The following HECW2 variants were observed in gnomAD, a reference collection of about 807,000 sequenced individuals.
The protein encoded by HECW2 is HECT, C2 and WW domain containing E3 ubiquitin protein ligase 2.
In HECW2, 61 loss-of-function variants were observed where a neutral mutation model predicts 175.2. The ratio of observed to expected loss-of-function variants is 0.35; its 90% CI spans 0.28 to 0.43. HECW2 has a LOEUF of 0.43. Among genes scored for constraint, HECW2 ranks in the 20% least tolerant of loss-of-function variants. HECW2 has a pLI of 1.00. For synonymous variants in HECW2, 671 were observed against 731.0 expected (o/e 0.92, Z 1.32); for missense variants, 1,524 against 2,000.5 (o/e 0.76, Z 4.54).
chr2:196,244,540 A>G (rs12990533), intron 19 of HECW2, among the ~76,000 whole-genome samples: 32,128 of 152,124 alleles, frequency 0.21, 4,156 homozygotes, highest in East Asian at 0.44. Flanking sequence ...CAGCCACTCA[A>G]TGACATGGCT....
chr2:196,538,379 A>G (rs1689092291), intron 1 of HECW2, among the ~76,000 whole-genome samples: 1 of 152,192 alleles, frequency 6.6e-6, no homozygotes, highest in Non-Finnish European at 1.5e-5. Flanking sequence ...CAAACACTGA[A>G]CTGCGGTGAG....
Position 196,453,333 on chromosome 2 carries a change from C to G in HECW2, c.-35-19875G>C, listed in dbSNP as rs555700693. ...TAAAGAAGACTTTGAAAGAACGCAG[C>G]CAACTACATTAGTTTTAAGCATGTG... On this transcript the variant is annotated intron_variant, in intron 1 of 28. Coordinates refer to ENST00000644978, the MANE Select transcript of HECW2 (RefSeq NM_001348768.2). 6.0e-4 allele frequency among the ~76,000 whole-genome samples: 92 copies of G among 152,266 alleles called. 2 individuals are homozygous for G. In the South Asian group the frequency reaches 0.018, roughly 31 times the overall value.
chr2:196,396,206 G>A (rs1458902605), intron 2 of HECW2, among the ~76,000 whole-genome samples: 3 of 152,138 alleles, frequency 2.0e-5, no homozygotes, highest in African/African-American at 4.8e-5. Context: ...TGGTTGCCAG[G>A]GGCTGGGGAG....
chr2:196,588,692 T>C (rs1691075729), intron 1 of HECW2, among the ~76,000 whole-genome samples: 1 of 152,190 alleles, frequency 6.6e-6, no homozygotes, highest in Non-Finnish European at 1.5e-5. Flanking sequence ...TGAACAAGAC[T>C]AGAAGAAGCT....
chr2:196,364,090 CTCCCTGGTCTCTGAA>C (rs1693678361), intron 2 of HECW2, among the ~76,000 whole-genome samples: 1 of 152,206 alleles, frequency 6.6e-6, no homozygotes, highest in Admixed American at 6.5e-5. Flanking sequence ...CTATCACTCA[CTCCCTGGTCTCTGAA>C]TCCCACCTGA....
chr2:196,419,449 T>C (rs1695349336), intron 2 of HECW2, among the ~76,000 whole-genome samples: 1 of 152,142 alleles, frequency 6.6e-6, no homozygotes, highest in African/African-American at 2.4e-5. Flanking sequence ...CCAAAAAACA[T>C]CTCAATTTCA....
chr2:196,349,567 C>T (rs1575445845), intron 2 of HECW2, among the ~76,000 whole-genome samples: 2 of 152,062 alleles, frequency 1.3e-5, no homozygotes, highest in East Asian at 3.9e-4. Flanking sequence ...ACCTTGGCCT[C>T]CCAAAGTACT....
At chr2:196,432,864 C>T (rs543995075) in intron 2 of HECW2, among the ~76,000 whole-genome samples, 2 of 152,108 alleles carry the variant, frequency 1.3e-5, no homozygotes, top group Non-Finnish European at 2.9e-5. Flanking sequence ...ACTTTTGCAT[C>T]GACCTAAGAG....
At chr2:196,332,124 G>A (rs575681567) in intron 4 of HECW2, among the ~76,000 whole-genome samples, 3 of 150,054 alleles carry the variant, frequency 2.0e-5, no homozygotes, top group African/African-American at 7.4e-5. Context: ...TCAATTCATC[G>A]CAATAGGATA....
At chr2:196,304,128 T>C (rs527779498) in intron 13 of HECW2, among the ~76,000 whole-genome samples, 185 of 152,312 alleles carry the variant, frequency 1.2e-3, no homozygotes, top group African/African-American at 3.9e-3. Flanking sequence ...TGCCAGATCA[T>C]GCAAGCCCAA....
At chr2:196,362,029 T>C in intron 2 of HECW2, 1 of 985,374 alleles carries the variant, frequency 1.0e-6, no homozygotes, top group Non-Finnish European at 1.2e-6. Context: ...ATGCTCCTGC[T>C]TCTCTTCCTC....
chr2:196,387,915 A>T lies in HECW2; in HGVS notation c.293-44151T>A, dbSNP rs75015698. On this transcript the variant is annotated intron_variant, in intron 2 of 28. Coordinates refer to ENST00000644978, the MANE Select transcript of HECW2 (RefSeq NM_001348768.2). ...AGAGTAGCAGCAGTAAATAAGTTTTATCAAATTCAAAGGCCCTAATTCACC... is the reference window on the plus strand; with the variant it reads ...AGAGTAGCAGCAGTAAATAAGTTTTTTCAAATTCAAAGGCCCTAATTCACC... 3.9e-3 allele frequency among the ~76,000 whole-genome samples: 587 copies of T among 152,318 alleles called. 4 individuals carry two copies. Among genetic ancestry groups the T allele is most frequent in the African/African-American group, 0.013 (554 of 41,562 alleles).
chr2:196,302,159 G>A (rs1255206499), intron 13 of HECW2, among the ~76,000 whole-genome samples: 2 of 152,124 alleles, frequency 1.3e-5, no homozygotes, highest in Non-Finnish European at 1.5e-5. Context: ...TTTCCCCAAT[G>A]CCTGTTTTTG....
In HECW2 at chr2:196,220,293, G is replaced by A. The variant is rs1259208337; in HGVS notation, c.4294-140C>T. ...GTGTTGGCACTTGAAAACCTGTAAAGCTCCCTACAAATATAAGGCATTCTT... is the reference window on the plus strand; with the variant it reads ...GTGTTGGCACTTGAAAACCTGTAAAACTCCCTACAAATATAAGGCATTCTT... On this transcript the variant is annotated intron_variant, in intron 25 of 28. Coordinates refer to ENST00000644978, the MANE Select transcript of HECW2 (RefSeq NM_001348768.2). 2.9e-5 allele frequency: 18 copies of A among 627,844 alleles called. 1 individual carries two copies. The Middle Eastern group carries it at 7.6e-4, about 26-fold the overall frequency. 38.9% of individuals were successfully genotyped at this position (627,844 alleles called of 1,614,324 possible). A position where few individuals can be genotyped will look rare whatever the true frequency, so the allele number is the denominator to read the frequency against.
intron 1 of HECW2, among the ~76,000 whole-genome samples, chr2:196,457,404 C>A (rs74667878): frequency 6.6e-6 from 1 of 152,354 alleles, no homozygotes; most frequent in East Asian, 1.9e-4. Flanking sequence ...CTGCCCACTA[C>A]ATGGTACTGT....
chr2:196,318,749 C>T lies in HECW2; in HGVS notation c.2141G>A (p.Ser714Asn), dbSNP rs763809486. Residue 714 changes from serine (S) to asparagine (N), a missense_variant, in exon 9 of 29, where the codon AGT (serine) becomes AAT (asparagine). Around this residue, in one of 11 missense-constraint regions of HECW2, gnomAD observed 604 missense variants for 588.3 expected, o/e 1.03. Coordinates refer to ENST00000644978, the MANE Select transcript of HECW2 (RefSeq NM_001348768.2). ...AGSLPVVQVP[S>N]GEDEGPGAES... is the part of the protein sequence containing the mutation. ...TGCCCCTGGCCCTTCATCCTCCCCA[C>T]TGGGCACCTGTACCACAGGTAAAGA... 27 of 1,532,174 alleles carry T rather than the reference C, an allele frequency of 1.8e-5. No individual in the cohort carries two copies. The highest frequency in any genetic ancestry group is 2.8e-5 in the African/African-American group (2 of 72,150). The allele number at this position is 1,532,174 out of a possible 1,614,324, so 94.9% of individuals were successfully genotyped here. A position where few individuals can be genotyped will look rare whatever the true frequency, so the allele number is the denominator to read the frequency against.
chr2:196,550,932 A>C (rs979775269), intron 1 of HECW2, among the ~76,000 whole-genome samples: 1 of 152,252 alleles, frequency 6.6e-6, no homozygotes, highest in Non-Finnish European at 1.5e-5. Context: ...TACAACCAAG[A>C]AAATTAATAT....
At chr2:196,536,972 T>C (rs774618895) in intron 1 of HECW2, among the ~76,000 whole-genome samples, 3 of 152,092 alleles carry the variant, frequency 2.0e-5, no homozygotes, top group Non-Finnish European at 2.9e-5. Context: ...ATCTCAAACA[T>C]ACGAGGCCAG....
At chr2:196,245,692 G>T (rs754107124) in intron 19 of HECW2, among the ~76,000 whole-genome samples, 17 of 152,188 alleles carry the variant, frequency 1.1e-4, no homozygotes, top group Non-Finnish European at 1.6e-4. Flanking sequence ...TTTTACTAAT[G>T]AATTTGTACA....
Sources: gnomAD v4.1 joint callset for allele counts (sites outside exome capture counted in the v4.1 genomes callset) on GRCh38, gnomAD v4.1.1 for gene constraint, gnomAD v4.1.1 regional missense constraint, MANE v1.5 for transcripts, NCBI Gene and HGNC (gene_info 2026-07-23, HGNC 2026-07-21) for gene names.